Variants in SLC20A2 observed in about 807,000 individuals in gnomAD.
SLC20A2 encodes the protein sodium-dependent phosphate transporter 2.
Under a neutral mutation model 61.0 loss-of-function variants are expected in SLC20A2, and 30 were observed. The observed-to-expected ratio is 0.49, with a 90% CI of 0.37 to 0.67. The LOEUF (loss-of-function observed/expected upper bound fraction) is 0.67, where lower values mean the gene tolerates loss of function less well. SLC20A2 is among the 30% of genes least tolerant of loss of function. The pLI, the probability that SLC20A2 is intolerant of heterozygous loss-of-function variation, is 0.00. For missense variants in SLC20A2, 626 were observed against 866.4 expected (o/e 0.72, Z 3.48); for synonymous variants, 351 against 353.3 (o/e 0.99, Z 0.07).
intron 1 of SLC20A2, among the ~76,000 whole-genome samples, chr8:42,491,402 G>A (rs770100432): frequency 6.6e-6 from 1 of 152,122 alleles, no homozygotes; most frequent in Non-Finnish European, 1.5e-5. Context: ...CTACTCAAGA[G>A]GCTAAGGCAG....
intron 1 of SLC20A2, among the ~76,000 whole-genome samples, chr8:42,527,786 A>G (rs1288529983): frequency 1.3e-5 from 2 of 152,154 alleles, no homozygotes; most frequent in South Asian, 4.1e-4. Flanking sequence ...ATAAATAAAT[A>G]AAGGAAAAAA....
At chr8:42,433,622 C>T (rs1486745002) in intron 8 of SLC20A2, among the ~76,000 whole-genome samples, 1 of 152,216 alleles carries the variant, frequency 6.6e-6, no homozygotes, top group African/African-American at 2.4e-5. Context: ...ATTTATCTTT[C>T]TGTGATGGTT....
At chr8:42,481,216 T>C (rs1009062333) in intron 1 of SLC20A2, among the ~76,000 whole-genome samples, 3 of 152,162 alleles carry the variant, frequency 2.0e-5, no homozygotes, top group Admixed American at 2.0e-4. Flanking sequence ...TCATAGAACA[T>C]TAGGGTCTGA....
intron 1 of SLC20A2, among the ~76,000 whole-genome samples, chr8:42,530,321 T>G (rs115938746): frequency 0.046 from 7,042 of 152,244 alleles, 362 homozygotes; most frequent in African/African-American, 0.13. Context: ...GCAAAAAAGT[T>G]AACTTTGTCC....
intron 5 of SLC20A2, among the ~76,000 whole-genome samples, chr8:42,452,264 TAGA>T (rs1805784412): frequency 1.0e-5 from 1 of 98,760 alleles, no homozygotes; most frequent in Non-Finnish European, 2.0e-5. Flanking sequence ...GAGGAAGAGA[TAGA>T]GGAGGAAGAG....
upstream of SLC20A2, among the ~76,000 whole-genome samples, chr8:42,505,107 A>T (rs549504819): frequency 6.7e-3 from 155 of 23,080 alleles, no homozygotes; most frequent in African/African-American, 0.047. Flanking sequence ...TACCCCCCCA[A>T]CCTTTTTTTT....
At chr8:42,428,629 C>T in intron 10 of SLC20A2, 129 bp downstream of exon 10, 1 of 687,762 alleles carries the variant, frequency 1.5e-6, no homozygotes, top group Non-Finnish European at 2.4e-6. Context: ...GTCCCGGAGA[C>T]CTGGAGAACC....
intron 1 of SLC20A2, among the ~76,000 whole-genome samples, chr8:42,476,601 C>T (rs1271188376): frequency 6.6e-6 from 1 of 152,200 alleles, no homozygotes; most frequent in Non-Finnish European, 1.5e-5. Flanking sequence ...TGTTAATCAT[C>T]TTGATGTTCC....
intron 4 of SLC20A2, 134 bp downstream of exon 4, chr8:42,462,871 C>T (rs545259891): frequency 4.6e-5 from 23 of 499,942 alleles, no homozygotes; most frequent in African/African-American, 9.9e-5. Flanking sequence ...TAACATCTGA[C>T]GCTAACTGCA....
intron 1 of SLC20A2, among the ~76,000 whole-genome samples, chr8:42,485,673 T>C (rs1191706852): frequency 8.6e-6 from 1 of 116,852 alleles, no homozygotes; most frequent in African/African-American, 3.4e-5. Context: ...AAAGGCCAGA[T>C]GCGGTGGCTC....
intron 1 of SLC20A2, among the ~76,000 whole-genome samples, chr8:42,475,188 C>T (rs542213423): frequency 6.6e-5 from 10 of 152,208 alleles, no homozygotes; most frequent in East Asian, 5.8e-4. Context: ...CAGCCTTAAC[C>T]GCCCAGGCTC....
In SLC20A2 at chr8:42,472,362, A is replaced by C. The variant is rs1456063042; in HGVS notation, c.29T>G (p.Val10Gly). 6.2e-7 allele frequency: 1 copy of C among 1,614,018 alleles called. No homozygotes were observed. Among genetic ancestry groups the C allele is most frequent in the Non-Finnish European group, 8.5e-7 (1 of 1,179,906 alleles). The change falls in exon 2 of 11, where the codon GTC (valine) becomes GGC (glycine). Residue 10 changes from valine to glycine, a missense_variant. Physicochemically the swap from Val to Gly is moderately radical, Grantham distance 109. This residue lies in a region of SLC20A2 where 127 missense variants were observed against 215.4 expected (regional missense o/e 0.59). Coordinates refer to ENST00000520262, the MANE Select transcript of SLC20A2 (RefSeq NM_001257180.2). The surrounding 1 kb of genome is among the most constrained non-coding windows in gnomAD (Gnocchi z 4.1). ...GAAAGCTATGATGAAACCCAAAATG[A>C]CCATCCACAAATACTCATCCATGGC... Reference protein sequence around the residue: MAMDEYLWMVILGFIIAFIL... With the variant: MAMDEYLWMGILGFIIAFIL...
chr8:42,525,660 T>C (rs1201426232), intron 1 of SLC20A2, among the ~76,000 whole-genome samples: 2 of 151,894 alleles, frequency 1.3e-5, no homozygotes, highest in Non-Finnish European at 2.9e-5. Context: ...TTCATAAATG[T>C]CTTCTGAAGA....
chr8:42,463,289 A>G, intron 3 of SLC20A2, 199 bp from the exon 4 acceptor site: 1 of 467,660 alleles, frequency 2.1e-6, no homozygotes, highest in Non-Finnish European at 3.8e-6. Flanking sequence ...ACACTCAGAC[A>G]TCAACACACA....
At chr8:42,512,437 G>C (rs894014580) in intron 1 of SLC20A2, among the ~76,000 whole-genome samples, 3 of 150,826 alleles carry the variant, frequency 2.0e-5, no homozygotes, top group Admixed American at 6.6e-5. Flanking sequence ...TGTAACCTCT[G>C]CTTCCTGGGT....
At chr8:42,440,707 T>C (rs1804705883) in intron 6 of SLC20A2, among the ~76,000 whole-genome samples, 1 of 152,230 alleles carries the variant, frequency 6.6e-6, no homozygotes, top group African/African-American at 2.4e-5. Flanking sequence ...CCTGTACCAT[T>C]TGACATTCCC....
intron 1 of SLC20A2, chr8:42,484,652 GC>G: frequency 3.0e-6 from 1 of 336,836 alleles, no homozygotes; most frequent in Non-Finnish European, 5.8e-6. Flanking sequence ...ATGGGGTGCA[GC>G]CCCATGGTGT....
At chr8:42,478,882 G>GAA (rs556398525) in intron 1 of SLC20A2, among the ~76,000 whole-genome samples, 2 of 134,894 alleles carry the variant, frequency 1.5e-5, no homozygotes, top group Admixed American at 7.4e-5. Flanking sequence ...GTGAAAAAAA[G>GAA]AAAAAAAAAA....
intron 1 of SLC20A2, among the ~76,000 whole-genome samples, chr8:42,524,247 T>C (rs1349890718): frequency 6.6e-6 from 1 of 152,224 alleles, no homozygotes; most frequent in Admixed American, 6.5e-5. Flanking sequence ...GAAAATGGTA[T>C]TATGGTTATG....
Sources: gnomAD v4.1 joint callset for allele counts (sites outside exome capture counted in the v4.1 genomes callset) on GRCh38, gnomAD v4.1.1 for gene constraint, gnomAD v4.1.1 regional missense constraint, Gnocchi (gnomAD v3.1) non-coding constraint, MANE v1.5 for transcripts, NCBI Gene and HGNC (gene_info 2026-07-23, HGNC 2026-07-21) for gene names.